Variants in OSBPL6 observed in about 807,000 individuals in gnomAD.
OSBPL6 encodes the protein oxysterol-binding protein-related protein 6.
In OSBPL6, 49 loss-of-function variants were observed where a neutral mutation model predicts 125.8. The observed-to-expected ratio is 0.39, with a 90% CI of 0.31 to 0.49. The LOEUF (loss-of-function observed/expected upper bound fraction) is 0.49. Among genes scored for constraint, OSBPL6 ranks in the 20% least tolerant of loss-of-function variants. The probability of loss-of-function intolerance (pLI) is 0.88; values close to 1 mark genes in which losing one functional copy is unlikely to be tolerated. For missense variants in OSBPL6, 986 were observed against 1,135.4 expected, an observed-to-expected ratio of 0.87 and a Z score of 1.89; for synonymous variants, 394 against 391.8, an observed-to-expected ratio of 1.01 and a Z score of -0.07.
At chr2:178,344,306 C>T (rs376557013) in intron 11 of OSBPL6, 65 of 1,613,992 alleles carry the variant, frequency 4.0e-5, no homozygotes, top group Non-Finnish European at 5.4e-5. Flanking sequence ...CCGCGAAGGG[C>T]CAGTTCAGCA....
chr2:178,206,602 T>TTTTTTG (rs2089543908), intron 1 of OSBPL6, among the ~76,000 whole-genome samples: 1 of 152,018 alleles, frequency 6.6e-6, no homozygotes, highest in East Asian at 1.9e-4. Flanking sequence ...ACAGGAGGTT[T>TTTTTTG]TTTTGTTTTG....
chr2:178,354,602 C>A (rs182667064), intron 12 of OSBPL6, among the ~76,000 whole-genome samples: 2 of 152,198 alleles, frequency 1.3e-5, no homozygotes, highest in African/African-American at 4.8e-5. Flanking sequence ...TCCTTGGAGA[C>A]CTACAAGGAG....
intron 2 of OSBPL6, among the ~76,000 whole-genome samples, chr2:178,301,172 C>A (rs1234165923): frequency 6.6e-6 from 1 of 151,146 alleles, no homozygotes; most frequent in Non-Finnish European, 1.5e-5. Flanking sequence ...CACTTGCAAG[C>A]AGAAAGGGAA....
rs551802238 is a variant in OSBPL6, at chr2:178,315,588, C to T, written c.103-8589C>T. Among the ~76,000 whole-genome samples, 5 of 152,290 alleles carry T rather than the reference C, an allele frequency of 3.3e-5. No individual in the cohort carries two copies. In the South Asian group the frequency reaches 1.0e-3, roughly 32 times the overall value. ...GTGTGCCTGCCAAAGCCTTTCAGCT[C>T]TCTAGGCCTGCCTTTATCAGGTTTT... is the stretch of plus-strand genomic sequence containing the variant. On this transcript the variant is annotated intron_variant, in intron 3 of 24. Transcript: ENST00000190611.
chr2:178,361,884 A>G, intron 13 of OSBPL6, 69 bp downstream of exon 13: 1 of 1,581,944 alleles, frequency 6.3e-7, no homozygotes, highest in Admixed American at 1.7e-5. Context: ...AGATCAAAAG[A>G]TGGGGGGCTG....
rs575984185 is a variant in OSBPL6, at chr2:178,340,895, G to T, written c.987+1131G>T. 3.3e-5 allele frequency among the ~76,000 whole-genome samples: 5 copies of T among 151,194 alleles called. No individual in the cohort carries two copies. The South Asian group carries it at 8.4e-4, about 25-fold the overall frequency. ...ATTTTCATAAGCACTAATACCCATG[G>T]TTTTTTTTTATTAGAATGTCTACAT... On this transcript the variant is annotated intron_variant, in intron 11 of 24. Transcript: ENST00000190611.
intron 1 of OSBPL6, among the ~76,000 whole-genome samples, chr2:178,230,247 G>T (rs2090759801): frequency 6.6e-6 from 1 of 152,188 alleles, no homozygotes; most frequent in African/African-American, 2.4e-5. Context: ...TAGATTAGTT[G>T]GCTGATCATG....
intron 1 of OSBPL6, among the ~76,000 whole-genome samples, chr2:178,283,175 A>G (rs530422153): frequency 3.9e-5 from 6 of 152,316 alleles, no homozygotes; most frequent in Admixed American, 3.9e-4. Context: ...GTCTTACAAC[A>G]CAGTAGAATT....
intron 3 of OSBPL6, among the ~76,000 whole-genome samples, chr2:178,309,288 T>C (rs960607294): frequency 6.6e-6 from 1 of 152,188 alleles, no homozygotes; most frequent in African/African-American, 2.4e-5. Context: ...TCCTCATCTG[T>C]ATTGTGAGCT....
At position 178,327,538 on chromosome 2, in the gene OSBPL6, T is replaced by C. The variant is rs1341450246; in HGVS notation, c.196-718T>C. ...GTGGTCATCTAACTTTCTGTGTGAG[T>C]CAAAAGCCACAGGCATTAGACTTTT... On this transcript the variant is annotated intron_variant, in intron 4 of 24. Transcript: ENST00000190611. Among the ~76,000 whole-genome samples, 6 of 152,170 alleles carry C rather than the reference T, an allele frequency of 3.9e-5. No individual in the cohort carries two copies. In the East Asian group the frequency reaches 9.6e-4, roughly 24 times the overall value.
At chr2:178,273,484 G>A (rs918642858) in intron 1 of OSBPL6, among the ~76,000 whole-genome samples, 1 of 152,050 alleles carries the variant, frequency 6.6e-6, no homozygotes, top group African/African-American at 2.4e-5. Flanking sequence ...GGAGGCTGAG[G>A]TGGGAGGATT....
chr2:178,381,647 C>G (rs1335583119), intron 15 of OSBPL6, among the ~76,000 whole-genome samples: 1 of 151,700 alleles, frequency 6.6e-6, no homozygotes, highest in Non-Finnish European at 1.5e-5. Flanking sequence ...GCCACCACAC[C>G]CAGCTGACTG....
chr2:178,306,593 T>TGA (rs977330960), intron 3 of OSBPL6, among the ~76,000 whole-genome samples: 19 of 152,154 alleles, frequency 1.2e-4, no homozygotes, highest in Non-Finnish European at 1.9e-4. Context: ...CACTCTTCTC[T>TGA]TCGTTCATGG....
chr2:178,330,933 C>G (rs1029337326), intron 5 of OSBPL6, among the ~76,000 whole-genome samples: 6 of 152,304 alleles, frequency 3.9e-5, no homozygotes, highest in Admixed American at 2.6e-4. Context: ...CCAAAAACCC[C>G]TCTCTTTTTT....
intron 3 of OSBPL6, among the ~76,000 whole-genome samples, chr2:178,316,705 C>T (rs868589762): frequency 3.9e-4 from 59 of 152,168 alleles, no homozygotes; most frequent in African/African-American, 1.3e-3. Flanking sequence ...CTACTTACAT[C>T]GCATTTACAT....
At chr2:178,259,673 G>A (rs547287865) in intron 1 of OSBPL6, among the ~76,000 whole-genome samples, 2 of 152,284 alleles carry the variant, frequency 1.3e-5, no homozygotes, top group East Asian at 1.9e-4. Context: ...GAAGACATAT[G>A]TAAGAGTTTA....
At chr2:178,281,756 G>A (rs112871046) in intron 1 of OSBPL6, among the ~76,000 whole-genome samples, 13 of 144,850 alleles carry the variant, frequency 9.0e-5, no homozygotes, top group African/African-American at 2.3e-4. Context: ...CAATGAGAAC[G>A]CATGGACACA....
At chr2:178,319,235 T>C (rs1311835797) in intron 3 of OSBPL6, among the ~76,000 whole-genome samples, 1 of 152,180 alleles carries the variant, frequency 6.6e-6, no homozygotes, top group Non-Finnish European at 1.5e-5. Flanking sequence ...TTTTTGAAAA[T>C]AAAATAAAAT....
At chr2:178,350,567 A>T (rs1418810296) in intron 12 of OSBPL6, among the ~76,000 whole-genome samples, 2 of 152,180 alleles carry the variant, frequency 1.3e-5, no homozygotes, top group African/African-American at 2.4e-5. Flanking sequence ...TAATTCTATG[A>T]TTCTAAAAAC....
Sources: allele counts gnomAD v4.1 joint callset (sites outside exome capture counted in the v4.1 genomes callset), GRCh38; gene constraint gnomAD v4.1.1; transcripts MANE v1.5; gene names NCBI Gene and HGNC (gene_info 2026-07-23, HGNC 2026-07-21).